The following SPINK5 variants were observed in gnomAD, a reference collection of about 807,000 sequenced individuals.
The protein encoded by SPINK5 is serine protease inhibitor Kazal-type 5.
SPINK5 carries 125 observed loss-of-function variants against 151.8 expected under a neutral mutation model. The observed-to-expected ratio is 0.82, with a 90% CI of 0.71 to 0.96. The LOEUF is 0.96. Among genes scored for constraint, SPINK5 ranks in the 40% least tolerant of loss-of-function variants. The probability of loss-of-function intolerance (pLI) is 0.00; values close to 1 mark genes in which losing one functional copy is unlikely to be tolerated. For synonymous variants in SPINK5, 374 were observed against 395.3 expected (o/e 0.95, Z 0.64); for missense variants, 1,194 against 1,291.9 (o/e 0.92, Z 1.16).
chr5:148,081,079 A>G (rs1270022940), intron 4 of SPINK5, among the ~76,000 whole-genome samples: 1 of 151,644 alleles, frequency 6.6e-6, no homozygotes, highest in Non-Finnish European at 1.5e-5. Flanking sequence ...GTATCACTAC[A>G]CGTACCCACT....
intron 3 of SPINK5, among the ~76,000 whole-genome samples, chr5:148,071,307 T>C (rs899753145): frequency 2.6e-5 from 4 of 152,028 alleles, no homozygotes; most frequent in African/African-American, 9.7e-5. Context: ...GGGATTGACG[T>C]AGTCAATCAT....
chr5:148,129,540 T>C (rs919096658), intron 30 of SPINK5, among the ~76,000 whole-genome samples: 1 of 152,142 alleles, frequency 6.6e-6, no homozygotes, highest in Non-Finnish European at 1.5e-5. Context: ...GTAAGGAACA[T>C]TGTAGTACCT....
intron 20 of SPINK5, among the ~76,000 whole-genome samples, chr5:148,113,854 A>C (rs1754010470): frequency 6.7e-6 from 1 of 148,552 alleles, no homozygotes; most frequent in African/African-American, 2.5e-5. Flanking sequence ...CTACAGACAA[A>C]CTCTCCTCTC....
intron 13 of SPINK5, among the ~76,000 whole-genome samples, 154 bp from the exon 14 acceptor site, chr5:148,101,201 T>C (rs1000369775): frequency 9.9e-5 from 15 of 152,114 alleles, no homozygotes; most frequent in African/African-American, 3.1e-4. Context: ...TGTAATGCAA[T>C]TGTGAGGATT....
intron 31 of SPINK5, among the ~76,000 whole-genome samples, chr5:148,131,782 G>T (rs1020062733): frequency 2.0e-5 from 3 of 152,096 alleles, no homozygotes; most frequent in Non-Finnish European, 4.4e-5. Flanking sequence ...ATATCTAAAA[G>T]GTCCTGTGAC....
At position 148,089,525 on chromosome 5, in the gene SPINK5, G is replaced by C. The variant is rs1219255941; in HGVS notation, c.506G>C (p.Arg169Thr). ...TGCAGTGCTTTTCGGCCCTTTGTTA[G>C]AGATGGAAGACTTGGATGCACAAGG... is the stretch of plus-strand genomic sequence containing the variant. ...DVCSAFRPFVRDGRLGCTREN... is the reference protein window; with the variant it reads ...DVCSAFRPFVTDGRLGCTREN... The change falls in exon 7 of 33, where the codon AGA becomes ACA. Residue 169 changes from arginine (R) to threonine (T), a missense_variant. Arg to Thr is a moderately conservative substitution (Grantham distance 71). Transcript: ENST00000256084. 4 of 1,611,828 alleles carry C rather than the reference G, an allele frequency of 2.5e-6. No homozygotes were observed. The Admixed American group carries it at 6.7e-5, about 27-fold the overall frequency.
At chr5:148,065,985 G>C (rs1482565228) in intron 2 of SPINK5, among the ~76,000 whole-genome samples, 1 of 152,116 alleles carries the variant, frequency 6.6e-6, no homozygotes, top group Non-Finnish European at 1.5e-5. Context: ...TAAATGCTAG[G>C]AGAAAAATAA....
chr5:148,112,659 G>A (rs1022551624), intron 19 of SPINK5, among the ~76,000 whole-genome samples: 1 of 148,654 alleles, frequency 6.7e-6, no homozygotes, highest in African/African-American at 2.5e-5. Context: ...GCAACAGAGT[G>A]AGACTCCATC....
chr5:148,099,412 G>C, intron 12 of SPINK5, 97 bp downstream of exon 12: 1 of 982,616 alleles, frequency 1.0e-6, no homozygotes, highest in South Asian at 1.4e-5. Flanking sequence ...GAAATCCCCA[G>C]AATATCTTAA....
intron 5 of SPINK5, 50 bp from the exon 6 acceptor site, chr5:148,088,492 G>T (rs1323102113): frequency 1.3e-6 from 2 of 1,535,938 alleles, no homozygotes; most frequent in Non-Finnish European, 9.0e-7. Flanking sequence ...TTTGAATGGT[G>T]GGAAGTTCTG....
intron 4 of SPINK5, among the ~76,000 whole-genome samples, chr5:148,075,581 A>G (rs116910650): frequency 0.034 from 5,134 of 151,760 alleles, 150 homozygotes; most frequent in East Asian, 0.12. Context: ...GACACTTTAG[A>G]CTCTGACTAA....
rs764305784 is a variant in SPINK5 at position 148,120,075 on chromosome 5, C to T, written c.2380C>T (p.Pro794Ser). The change falls in exon 25 of 33, where the codon CCT becomes TCT. Residue 794 changes from proline (P) to serine (S), a missense_variant. Coordinates refer to ENST00000256084, the MANE Select transcript of SPINK5 (RefSeq NM_006846.4). ...ACTCATCTGCACTCGAGAAAGTGAC[C>T]CTGTCCGGGGTCCAGATGGCAAGAC... ...GKLICTRESD[P>S]VRGPDGKTHG... The T allele has an allele frequency of 6.2e-7, 1 of 1,613,846 alleles. No individual in the cohort carries two copies. Among genetic ancestry groups the T allele is most frequent in the East Asian group, 2.2e-5 (1 of 44,876 alleles).
chr5:148,103,001 A>AC (rs1266928636), intron 15 of SPINK5, among the ~76,000 whole-genome samples: 1 of 152,008 alleles, frequency 6.6e-6, no homozygotes, highest in African/African-American at 2.4e-5. Flanking sequence ...GACTAAAAAA[A>AC]CCCCCATTTT....
chr5:148,086,306 A>T (rs1052633488), intron 4 of SPINK5, 99 bp from the exon 5 acceptor site: 19 of 1,468,734 alleles, frequency 1.3e-5, no homozygotes, highest in Admixed American at 1.9e-5. Context: ...CTTCTCCAGC[A>T]ATTTACATTA....
In SPINK5 at chr5:148,064,112, T is replaced by C; in HGVS notation, c.55+13T>C. 1.2e-6 allele frequency: 2 copies of C among 1,614,104 alleles called. No homozygotes were observed. Among genetic ancestry groups the C allele is most frequent in the Non-Finnish European group, 1.7e-6 (2 of 1,180,002 alleles). ...TGCCTCATACAAGGTGAGCAATTTG[T>C]GTGTAATCTAAGCCTCTTGCCACAC... On this transcript the variant is annotated intron_variant, in intron 1 of 32. Coordinates refer to ENST00000256084, the MANE Select transcript of SPINK5 (RefSeq NM_006846.4).
chr5:148,089,563 GTTC>G lies in SPINK5; in HGVS notation c.547_549del (p.Leu183del), dbSNP rs1753253789. 6.2e-7 allele frequency: 1 copy of G among 1,612,132 alleles called. No individual in the cohort carries two copies. The highest frequency in any genetic ancestry group is 1.7e-5 in the Admixed American group (1 of 59,836). Reference sequence around the variant, plus strand: ...TGGATGCACAAGGGAAAATGATCCTGTTCTTGGTCCTGATGGGAAGACGCATGG... The same window carrying G: ...TGGATGCACAAGGGAAAATGATCCTGTTGGTCCTGATGGGAAGACGCATGG... On this transcript the variant is annotated inframe_deletion, in exon 7 of 33. Transcript: ENST00000256084.
At chr5:148,075,912 A>G (rs1260324889) in intron 4 of SPINK5, among the ~76,000 whole-genome samples, 2 of 151,892 alleles carry the variant, frequency 1.3e-5, no homozygotes, top group East Asian at 3.9e-4. Flanking sequence ...AGGTGTTTTC[A>G]GTGTAAGTGA....
At position 148,129,207 on chromosome 5, in the gene SPINK5, C is replaced by T. The variant is rs933417437; in HGVS notation, c.2965-2052C>T. Among the ~76,000 whole-genome samples, 12 of 152,082 alleles carry T rather than the reference C, an allele frequency of 7.9e-5. 1 individual carries two copies. Among genetic ancestry groups the T allele is most frequent in the African/African-American group, 2.9e-4 (12 of 41,414 alleles). Reference sequence around the variant, plus strand: ...GGAAGTCAGGAAGCTAATGGGAGGCCATGTTATAAAGGGTTTTGTAGACAA... The same window carrying T: ...GGAAGTCAGGAAGCTAATGGGAGGCTATGTTATAAAGGGTTTTGTAGACAA... On this transcript the variant is annotated intron_variant, in intron 30 of 32. Coordinates refer to ENST00000256084, the MANE Select transcript of SPINK5 (RefSeq NM_006846.4).
At chr5:148,110,497 T>C (rs1471510300) in intron 18 of SPINK5, among the ~76,000 whole-genome samples, 1 of 152,218 alleles carries the variant, frequency 6.6e-6, no homozygotes, top group Non-Finnish European at 1.5e-5. Context: ...CTATCACTTG[T>C]TATGCCAACA....
Sources: allele counts gnomAD v4.1 joint callset (sites outside exome capture counted in the v4.1 genomes callset), GRCh38; gene constraint gnomAD v4.1.1; transcripts MANE v1.5; gene names NCBI Gene and HGNC (gene_info 2026-07-23, HGNC 2026-07-21).